Variants in ACTR6 observed in about 807,000 individuals in gnomAD.
The protein encoded by ACTR6 is actin related protein 6.
Under a neutral mutation model 52.5 loss-of-function variants are expected in ACTR6, and 50 were observed. The ratio of observed to expected loss-of-function variants is 0.95; its 90% CI spans 0.76 to 1.20. The LOEUF (loss-of-function observed/expected upper bound fraction) is 1.20. Among genes scored for constraint, ACTR6 ranks in the 50% most tolerant of loss-of-function variants. The pLI, the probability that ACTR6 is intolerant of heterozygous loss-of-function variation, is 0.00. For missense variants in ACTR6, 344 were observed against 472.4 expected (o/e 0.73, Z 2.52); for synonymous variants, 135 against 147.2 (o/e 0.92, Z 0.60).
intron 10 of ACTR6, among the ~76,000 whole-genome samples, chr12:100,222,257 GTTTT>G (rs35143045): frequency 2.4e-5 from 3 of 123,450 alleles, no homozygotes; most frequent in Non-Finnish European, 3.3e-5. Flanking sequence ...CTGGCTTTGG[GTTTT>G]TTTTTTTTTT....
intron 2 of ACTR6, 117 bp downstream of exon 2, chr12:100,205,174 C>A (rs2096113442): frequency 5.8e-3 from 2,488 of 426,150 alleles, no homozygotes; most frequent in East Asian, 7.7e-3. Context: ...TAATTAAACC[C>A]AAATTAAAAT....
chr12:100,205,134 CTGTG>C, intron 2 of ACTR6, 77 bp downstream of exon 2: 2 of 880,832 alleles, frequency 2.3e-6, no homozygotes, highest in Non-Finnish European at 3.3e-6. Flanking sequence ...ATATAAAAGG[CTGTG>C]TGTAACTTAA....
Position 100,201,016 on chromosome 12 carries a change from C to T in ACTR6, c.68+97C>T, listed in dbSNP as rs1389448085. ...GACATCAATGAACTGCAGACACCCC[C>T]GCGCGGCCCTGACTTAGCCAGAGGG... is the stretch of plus-strand genomic sequence containing the variant. On this transcript the variant is annotated intron_variant, in intron 1 of 10. Transcript: ENST00000188312. 7 of 1,596,204 alleles carry T rather than the reference C, an allele frequency of 4.4e-6. No individual in the cohort carries two copies. The Admixed American group carries it at 5.2e-5, about 12-fold the overall frequency.
Position 100,218,645 on chromosome 12 carries a change from C to T in ACTR6, c.922+59C>T. On this transcript the variant is annotated intron_variant, in intron 9 of 10. Coordinates refer to ENST00000188312, the MANE Select transcript of ACTR6 (RefSeq NM_022496.5). This position sits in a 1 kb window ranked among gnomAD's most constrained non-coding sequence, Gnocchi z 4.2. ...AATTGTTTTAAAAACATCATAAGCC[C>T]TGTGAACCCTGTTTCCTCTAAATAA... 1 of 1,137,818 alleles carries T rather than the reference C, an allele frequency of 8.8e-7. No homozygotes were observed. The highest frequency in any genetic ancestry group is 1.1e-6 in the Non-Finnish European group (1 of 871,348). The allele number at this position is 1,137,818 out of a possible 1,614,324, so 70.5% of individuals were successfully genotyped here.
Position 100,223,774 on chromosome 12 carries a change from C to T in ACTR6, c.1062-12C>T, listed in dbSNP as rs1278842418. 4.4e-6 allele frequency: 7 copies of T among 1,596,812 alleles called. No homozygotes were observed. The highest frequency in any genetic ancestry group is 1.8e-5 in the Admixed American group (1 of 55,098). On this transcript the variant is annotated splice_polypyrimidine_tract_variant and intron_variant, in intron 10 of 10. Transcript: ENST00000188312. ...TAAAATCATCTGGGTTCATTTATACCTTTATTTTCAGCCCTATTACTTATG... is the reference window on the plus strand; with the variant it reads ...TAAAATCATCTGGGTTCATTTATACTTTTATTTTCAGCCCTATTACTTATG...
chr12:100,211,144 C>T (rs764059299), intron 6 of ACTR6, among the ~76,000 whole-genome samples: 9 of 152,086 alleles, frequency 5.9e-5, no homozygotes, highest in Non-Finnish European at 1.3e-4. Context: ...CTGCACTTCG[C>T]GCCCCTGAGC....
intron 2 of ACTR6, chr12:100,205,458 G>A (rs1286678766): frequency 3.4e-5 from 11 of 324,844 alleles, no homozygotes; most frequent in African/African-American, 1.1e-4. Flanking sequence ...AAACCTGCAC[G>A]TTCTGCACAT....
Position 100,201,133 on chromosome 12 carries a change from GAT to G in ACTR6, c.68+219_68+220del, listed in dbSNP as rs2096109340. ...TTGGGCTGCGAGGCCCCGGAAGTGGGATATATGTTTTATTTCGTAACAGGAAA... is the reference window on the plus strand; with the variant it reads ...TTGGGCTGCGAGGCCCCGGAAGTGGGATATGTTTTATTTCGTAACAGGAAA... On this transcript the variant is annotated intron_variant, in intron 1 of 10. Coordinates refer to ENST00000188312, the MANE Select transcript of ACTR6 (RefSeq NM_022496.5). The G allele has an allele frequency of 1.1e-5, 14 of 1,284,814 alleles. No individual in the cohort carries two copies. In the East Asian group the frequency reaches 2.6e-4, roughly 24 times the overall value. The allele number at this position is 1,284,814 out of a possible 1,614,324, so 79.6% of individuals were successfully genotyped here.
At position 100,216,358 on chromosome 12, in the gene ACTR6, C is replaced by T. The variant is rs1021420944; in HGVS notation, c.751-2057C>T. On this transcript the variant is annotated intron_variant, in intron 8 of 10. Coordinates refer to ENST00000188312, the MANE Select transcript of ACTR6 (RefSeq NM_022496.5). ...AGTTATTTGTAGAGACGAGGTACCA[C>T]GCTCATCTATGTTGCCCAGGCTAGC... Among the ~76,000 whole-genome samples the T allele has an allele frequency of 2.6e-5, 4 of 152,340 alleles. No individual in the cohort carries two copies. In the South Asian group the frequency reaches 6.2e-4, roughly 24 times the overall value.
At chr12:100,219,491 T>G (rs2096126423) in intron 9 of ACTR6, among the ~76,000 whole-genome samples, 1 of 152,212 alleles carries the variant, frequency 6.6e-6, no homozygotes, top group Non-Finnish European at 1.5e-5. Context: ...AAACATAGTT[T>G]ATGAGTGTTT....
At chr12:100,207,899 AC>A in intron 4 of ACTR6, 113 bp downstream of exon 4, 1 of 1,173,154 alleles carries the variant, frequency 8.5e-7, no homozygotes, top group Non-Finnish European at 1.2e-6. Flanking sequence ...AGTGGCTAAC[AC>A]CTGTAACCCC....
intron 6 of ACTR6, among the ~76,000 whole-genome samples, 161 bp from the exon 7 acceptor site, chr12:100,212,095 G>A (rs1048510018): frequency 6.6e-6 from 1 of 152,142 alleles, no homozygotes; most frequent in African/African-American, 2.4e-5. Context: ...ATTAATGGAA[G>A]TGACAGTATT....
chr12:100,212,180 C>T, intron 6 of ACTR6, 76 bp from the exon 7 acceptor site: 4 of 1,074,378 alleles, frequency 3.7e-6, no homozygotes, highest in Non-Finnish European at 5.3e-6. Context: ...AATTTAATTC[C>T]AGAAAAAAAT....
In ACTR6 at chr12:100,207,721, T is replaced by C; in HGVS notation, c.314T>C (p.Ile105Thr). The C allele has an allele frequency of 6.3e-7, 1 of 1,592,596 alleles. No individual in the cohort carries two copies. ...GAACCATACTTTAACTTCACTTCAA[T>C]TCAAGAATCAATGAATGAAATTCTA... ...ITEPYFNFTS[I>T]QESMNEILFE... The change falls in exon 4 of 11, where the codon ATT (isoleucine) becomes ACT (threonine). Residue 105 changes from isoleucine (I) to threonine (T), a missense_variant. Physicochemically the swap from Ile to Thr is moderately conservative, Grantham distance 89. Coordinates refer to ENST00000188312, the MANE Select transcript of ACTR6 (RefSeq NM_022496.5).
chr12:100,208,363 C>T (rs891322470), intron 4 of ACTR6, among the ~76,000 whole-genome samples: 14 of 152,000 alleles, frequency 9.2e-5, no homozygotes, highest in Non-Finnish European at 4.4e-5. Flanking sequence ...TCACCCTCCA[C>T]CTCCTGGGTT....
intron 9 of ACTR6, 28 bp from the exon 10 acceptor site, chr12:100,219,980 C>T (rs1268511967): frequency 6.2e-6 from 10 of 1,603,698 alleles, no homozygotes; most frequent in Middle Eastern, 1.7e-4. Flanking sequence ...GCCTTTTTTC[C>T]TTTCCTTCTC....
At chr12:100,217,724 G>GA (rs2096124929) in intron 8 of ACTR6, among the ~76,000 whole-genome samples, 1 of 152,082 alleles carries the variant, frequency 6.6e-6, no homozygotes, top group Admixed American at 6.5e-5. Context: ...ACATCATTTG[G>GA]AAACTAATTT....
intron 2 of ACTR6, chr12:100,205,467 A>T (rs1028943373): frequency 1.2e-5 from 4 of 336,076 alleles, no homozygotes; most frequent in Admixed American, 4.8e-5. Flanking sequence ...CGTTCTGCAC[A>T]TGTATCCCAG....
chr12:100,217,481 A>C (rs2096124765), intron 8 of ACTR6, among the ~76,000 whole-genome samples: 1 of 152,244 alleles, frequency 6.6e-6, no homozygotes. Flanking sequence ...TGAATCTAGG[A>C]AAGCTGATGG....
Sources: gnomAD v4.1 joint callset for allele counts (sites outside exome capture counted in the v4.1 genomes callset) on GRCh38, gnomAD v4.1.1 for gene constraint, Gnocchi (gnomAD v3.1) non-coding constraint, MANE v1.5 for transcripts, NCBI Gene and HGNC (gene_info 2026-07-23, HGNC 2026-07-21) for gene names.